The following ZNF407 variants were observed in gnomAD, a reference collection of about 807,000 sequenced individuals.
ZNF407 encodes the protein zinc finger protein 407.
A neutral mutation model predicts 131.2 loss-of-function variants in ZNF407; 17 were observed. That is an observed-to-expected ratio of 0.13 (90% CI 0.09 to 0.19). The LOEUF is 0.19. Among genes scored for constraint, ZNF407 ranks in the 10% least tolerant of loss-of-function variants. ZNF407 has a pLI of 1.00. For missense variants in ZNF407, 2,681 were observed against 2,830.6 expected (o/e 0.95, Z 1.20); for synonymous variants, 1,156 against 1,062.0 (o/e 1.09, Z -1.72).
chr18:75,035,371 C>T (rs1199955502), intron 8 of ZNF407, among the ~76,000 whole-genome samples: 1 of 152,136 alleles, frequency 6.6e-6, no homozygotes, highest in Non-Finnish European at 1.5e-5. Context: ...GGGCCTTCTC[C>T]CATCATTCCA....
chr18:74,610,277 G>A (rs540660021), intron 1 of ZNF407, among the ~76,000 whole-genome samples: 1 of 152,254 alleles, frequency 6.6e-6, no homozygotes, highest in African/African-American at 2.4e-5. Context: ...TCAAGTAGAT[G>A]GATTGCCACA....
rs1984172778 is a variant in ZNF407, at chr18:74,632,565, C to G, written c.1546C>G (p.Leu516Val). The part of the protein sequence containing the change: ...ARPPDSGLHS[L>V]TVKPASGSQT... Reference sequence around the variant, plus strand: ...TCCTCCGGACTCCGGGCTGCATTCCCTGACAGTGAAGCCAGCTTCTGGCTC... The same window carrying G: ...TCCTCCGGACTCCGGGCTGCATTCCGTGACAGTGAAGCCAGCTTCTGGCTC... The change falls in exon 2 of 9, where the codon CTG becomes GTG. Residue 516 changes from leucine (L) to valine (V), a missense_variant. Physicochemically the swap from Leu to Val is conservative, Grantham distance 32. Transcript: ENST00000299687. 6.2e-7 allele frequency: 1 copy of G among 1,614,050 alleles called. No individual in the cohort carries two copies. Among genetic ancestry groups the G allele is most frequent in the Non-Finnish European group, 8.5e-7 (1 of 1,179,912 alleles).
At chr18:74,686,594 T>C (rs1254162666) in intron 3 of ZNF407, among the ~76,000 whole-genome samples, 1 of 152,242 alleles carries the variant, frequency 6.6e-6, no homozygotes, top group Non-Finnish European at 1.5e-5. Flanking sequence ...ATTAATTCTA[T>C]GGTGACTCTT....
At chr18:74,779,216 C>T (rs1444595239) in intron 3 of ZNF407, among the ~76,000 whole-genome samples, 7 of 148,218 alleles carry the variant, frequency 4.7e-5, no homozygotes, top group South Asian at 4.3e-4. Context: ...CCCGGGTTCA[C>T]GCCATTCTCC....
intron 4 of ZNF407, among the ~76,000 whole-genome samples, chr18:74,866,909 C>A (rs997536710): frequency 7.0e-6 from 1 of 143,108 alleles, no homozygotes; most frequent in Non-Finnish European, 1.5e-5. Flanking sequence ...CCAGCTACTC[C>A]GGCTGAGGCT....
At chr18:74,998,384 C>G (rs557633987) in intron 8 of ZNF407, among the ~76,000 whole-genome samples, 6 of 152,180 alleles carry the variant, frequency 3.9e-5, no homozygotes, top group Admixed American at 1.3e-4. Context: ...GGGAAGGTCC[C>G]CTGTCCTATC....
chr18:74,985,140 A>G (rs1972638025), intron 8 of ZNF407, among the ~76,000 whole-genome samples: 1 of 152,214 alleles, frequency 6.6e-6, no homozygotes, highest in Non-Finnish European at 1.5e-5. Flanking sequence ...TCTTTTCTTT[A>G]TACATTTTGT....
chr18:75,057,873 A>G (rs1758476280), intron 8 of ZNF407, among the ~76,000 whole-genome samples: 1 of 152,098 alleles, frequency 6.6e-6, no homozygotes, highest in Non-Finnish European at 1.5e-5. Context: ...TTTCATTCAC[A>G]ACGTATGCCT....
chr18:74,846,669 T>C (rs1970707586), intron 4 of ZNF407, among the ~76,000 whole-genome samples: 2 of 151,666 alleles, frequency 1.3e-5, no homozygotes. Context: ...ATTGAACACC[T>C]TTAGAGAATA....
intron 3 of ZNF407, among the ~76,000 whole-genome samples, chr18:74,753,119 C>T (rs1465261334): frequency 1.3e-5 from 2 of 152,052 alleles, no homozygotes; most frequent in African/African-American, 2.4e-5. Flanking sequence ...TCCTACATTC[C>T]TAGGTATTTT....
rs201200347 is a variant in ZNF407 at position 74,923,349 on chromosome 18, A to T, written c.5428+2657A>T. On this transcript the variant is annotated intron_variant, in intron 8 of 8. Transcript: ENST00000299687. Reference sequence around the variant, plus strand: ...ATTGAACTAATAATGCAAATCCACTACCAGCTTAAATTTACTGTTTTTACA... The same window carrying T: ...ATTGAACTAATAATGCAAATCCACTTCCAGCTTAAATTTACTGTTTTTACA... 4.6e-5 allele frequency among the ~76,000 whole-genome samples: 7 copies of T among 151,378 alleles called. No individual in the cohort carries two copies. The East Asian group carries it at 1.2e-3, about 25-fold the overall frequency.
At chr18:74,602,180 T>C (rs984417569) in intron 1 of ZNF407, among the ~76,000 whole-genome samples, 5 of 152,170 alleles carry the variant, frequency 3.3e-5, no homozygotes, top group African/African-American at 1.2e-4. Flanking sequence ...AACCCAGAAA[T>C]AGCCTTGCAA....
At chr18:74,773,655 G>A (rs1969408087) in intron 3 of ZNF407, among the ~76,000 whole-genome samples, 1 of 152,188 alleles carries the variant, frequency 6.6e-6, no homozygotes, top group African/African-American at 2.4e-5. Flanking sequence ...TTACAGTAAT[G>A]TATTTTGTAC....
intron 3 of ZNF407, among the ~76,000 whole-genome samples, chr18:74,711,555 T>G (rs1967762795): frequency 6.6e-6 from 1 of 152,188 alleles, no homozygotes; most frequent in South Asian, 2.1e-4. Flanking sequence ...GAGTGCAGTC[T>G]TACTGACACC....
chr18:74,814,941 A>G (rs1161927897), intron 4 of ZNF407, among the ~76,000 whole-genome samples: 1 of 151,898 alleles, frequency 6.6e-6, no homozygotes. Flanking sequence ...ATATTATATA[A>G]TCTTTATTAA....
At chr18:75,020,521 C>T (rs927738428) in intron 8 of ZNF407, among the ~76,000 whole-genome samples, 1 of 152,124 alleles carries the variant, frequency 6.6e-6, no homozygotes, top group Non-Finnish European at 1.5e-5. Context: ...TTATCTGCTG[C>T]TCATAATTTC....
intron 3 of ZNF407, among the ~76,000 whole-genome samples, chr18:74,775,135 T>TCATATAAACAAA (rs1399001415): frequency 1.3e-5 from 2 of 152,214 alleles, no homozygotes; most frequent in African/African-American, 4.8e-5. Context: ...GATATGAAGT[T>TCATATAAACAAA]GTTTATCAAA....
At chr18:75,024,925 C>A (rs1973153257) in intron 8 of ZNF407, among the ~76,000 whole-genome samples, 1 of 152,110 alleles carries the variant, frequency 6.6e-6, no homozygotes, top group African/African-American at 2.4e-5. Flanking sequence ...CTAGGTTGTA[C>A]AAAACGAAGA....
chr18:74,995,166 A>G (rs927863103), intron 8 of ZNF407, among the ~76,000 whole-genome samples: 1 of 152,212 alleles, frequency 6.6e-6, no homozygotes, highest in Non-Finnish European at 1.5e-5. Context: ...CATGGAATGT[A>G]AAGGACAGTG....
Sources: allele counts gnomAD v4.1 joint callset (sites outside exome capture counted in the v4.1 genomes callset), GRCh38; gene constraint gnomAD v4.1.1; transcripts MANE v1.5; gene names NCBI Gene and HGNC (gene_info 2026-07-23, HGNC 2026-07-21).